Variants in ASMT observed in about 807,000 individuals in gnomAD.
The protein encoded by ASMT is acetylserotonin O-methyltransferase, also known as acetylserotonin N-methyltransferase.
In ASMT, 53 loss-of-function variants were observed where a neutral mutation model predicts 41.3. The ratio of observed to expected loss-of-function variants is 1.28; its 90% CI spans 1.03 to 1.61. The LOEUF is 1.61. ASMT is among the 40% of genes most tolerant of loss of function. The probability of loss-of-function intolerance (pLI) is 0.00; values close to 1 mark genes in which losing one functional copy is unlikely to be tolerated. For synonymous variants in ASMT, 231 were observed against 184.8 expected, an observed-to-expected ratio of 1.25 and a Z score of -2.03; for missense variants, 531 against 441.3, an observed-to-expected ratio of 1.20 and a Z score of -1.82.
At chrX:1,630,557 G>A (rs758444937) in intron 5 of ASMT, among the ~76,000 whole-genome samples, 6 of 151,666 alleles carry the variant, frequency 4.0e-5, no homozygotes, top group South Asian at 2.1e-4. Flanking sequence ...CACCCGCCTC[G>A]GTCTTGTTTT....
chrX:1,632,390 G>C (rs1427954849), intron 5 of ASMT, among the ~76,000 whole-genome samples: 1 of 152,094 alleles, frequency 6.6e-6, no homozygotes, highest in South Asian at 2.1e-4. Flanking sequence ...GGTGGCTCAC[G>C]CCTGTCATCC....
intron 3 of ASMT, among the ~76,000 whole-genome samples, chrX:1,626,922 G>A (rs1198043857): frequency 7.2e-5 from 11 of 151,750 alleles, no homozygotes; most frequent in Non-Finnish European, 7.4e-5. Flanking sequence ...CCAGCTACTC[G>A]GGAGGTTGAG....
chrX:1,625,908 T>TTAG (rs1569374746), intron 3 of ASMT, among the ~76,000 whole-genome samples: 1 of 135,052 alleles, frequency 7.4e-6, no homozygotes, highest in African/African-American at 2.9e-5. Flanking sequence ...TGAGCCAAGA[T>TTAG]CGCACCACTG....
At chrX:1,641,601 C>G (rs1935170580) in intron 8 of ASMT, among the ~76,000 whole-genome samples, 1 of 147,918 alleles carries the variant, frequency 6.8e-6, no homozygotes, top group African/African-American at 2.5e-5. Flanking sequence ...GGCACAGCCT[C>G]TGTGTGTGTG....
At chrX:1,621,398 A>G (rs1192250868) in intron 1 of ASMT, among the ~76,000 whole-genome samples, 1 of 151,606 alleles carries the variant, frequency 6.6e-6, no homozygotes, top group Non-Finnish European at 1.5e-5. Context: ...GCTCACTGCA[A>G]TCTCCACCTC....
chrX:1,630,052 T>C (rs1934713802), intron 5 of ASMT, 113 bp downstream of exon 5: 1 of 987,996 alleles, frequency 1.0e-6, no homozygotes, highest in African/African-American at 1.6e-5. Context: ...TGTGCGGCCT[T>C]ACTGGTCTTA....
At chrX:1,625,399 G>T (rs1230253870) in intron 3 of ASMT, among the ~76,000 whole-genome samples, 1 of 151,462 alleles carries the variant, frequency 6.6e-6, no homozygotes, top group Non-Finnish European at 1.5e-5. Context: ...AGGAGGCTAA[G>T]GTGGGAGAAC....
intron 3 of ASMT, among the ~76,000 whole-genome samples, chrX:1,626,155 C>T (rs1254814215): frequency 4.0e-5 from 6 of 151,628 alleles, no homozygotes; most frequent in Non-Finnish European, 7.4e-5. Flanking sequence ...CGTAGATTTT[C>T]TCCACAACAG....
At chrX:1,642,117 G>T (rs1474612600) in intron 8 of ASMT, among the ~76,000 whole-genome samples, 23 of 141,824 alleles carry the variant, frequency 1.6e-4, no homozygotes, top group Non-Finnish European at 3.2e-4. Flanking sequence ...GATGGGGACG[G>T]TGTCCCAGTT....
intron 1 of ASMT, among the ~76,000 whole-genome samples, chrX:1,616,116 C>T (rs1233694439): frequency 3.3e-5 from 5 of 151,226 alleles, no homozygotes; most frequent in South Asian, 2.1e-4. Context: ...GCAACCTCCG[C>T]CTCCAGGGTT....
At chrX:1,627,242 C>T (rs1209027392) in intron 3 of ASMT, among the ~76,000 whole-genome samples, 1 of 151,250 alleles carries the variant, frequency 6.6e-6, no homozygotes, top group Non-Finnish European at 1.5e-5. Context: ...AGGAAAATCG[C>T]TTGAACCCGG....
At chrX:1,631,084 G>GGT (rs756514118) in intron 5 of ASMT, among the ~76,000 whole-genome samples, 4 of 144,374 alleles carry the variant, frequency 2.8e-5, no homozygotes, top group African/African-American at 1.0e-4. Flanking sequence ...CTAATTTTTT[G>GGT]TTTTTTTTTT....
At chrX:1,617,362 C>T (rs1341341567) in intron 1 of ASMT, among the ~76,000 whole-genome samples, 3 of 151,144 alleles carry the variant, frequency 2.0e-5, no homozygotes, top group Admixed American at 6.6e-5. Context: ...CCCATTTACT[C>T]GGGAGGCTGA....
intron 5 of ASMT, among the ~76,000 whole-genome samples, chrX:1,631,593 T>C (rs1466666020): frequency 1.3e-5 from 2 of 152,188 alleles, no homozygotes; most frequent in East Asian, 3.9e-4. Flanking sequence ...AGGATCCCCC[T>C]GCCTGGGGAG....
At position 1,642,843 on chromosome X, in the gene ASMT, C is replaced by A. The variant is rs747080384; in HGVS notation, c.951C>A (p.Asp317Glu). 2 of 1,613,990 alleles carry A rather than the reference C, an allele frequency of 1.2e-6. No homozygotes were observed. Among genetic ancestry groups the A allele is most frequent in the East Asian group, 4.5e-5 (2 of 44,884 alleles). ...TAATTGAAAGCCTCCTGGATGAAGACAGGCGAGGTCCTCTGCTCACGCAGC... is the reference window on the plus strand; with the variant it reads ...TAATTGAAAGCCTCCTGGATGAAGAAAGGCGAGGTCCTCTGCTCACGCAGC... ...ILVIESLLDE[D>E]RRGPLLTQLY... is the part of the protein sequence containing the mutation. Residue 317 changes from aspartate to glutamate, a missense_variant, in exon 9 of 9, where the codon GAC becomes GAA. Physicochemically the swap from Asp to Glu is conservative, Grantham distance 45 (BLOSUM62 2). Transcript: ENST00000381241.
At chrX:1,625,667 C>G (rs1934512098) in intron 3 of ASMT, among the ~76,000 whole-genome samples, 1 of 151,640 alleles carries the variant, frequency 6.6e-6, no homozygotes, top group Admixed American at 6.6e-5. Flanking sequence ...AAAGGAGTGT[C>G]TGGGTGGCCG....
At chrX:1,617,098 A>C in intron 1 of ASMT, among the ~76,000 whole-genome samples, 1 of 151,870 alleles carries the variant, frequency 6.6e-6, no homozygotes, top group Middle Eastern at 3.4e-3. Context: ...GCTTAAGCCT[A>C]GGAGATGAAG....
chrX:1,633,692 T>C (rs1244472872), intron 7 of ASMT, among the ~76,000 whole-genome samples: 19 of 145,310 alleles, frequency 1.3e-4, no homozygotes, highest in Non-Finnish European at 2.8e-4. Context: ...CGGGCTGGAG[T>C]GTGGTGACAG....
At chrX:1,625,348 C>T (rs1934493964) in intron 3 of ASMT, among the ~76,000 whole-genome samples, 1 of 151,512 alleles carries the variant, frequency 6.6e-6, no homozygotes, top group African/African-American at 2.4e-5. Context: ...TCGTGATCTG[C>T]CTGCCTACAT....
Sources: gnomAD v4.1 joint callset for allele counts (sites outside exome capture counted in the v4.1 genomes callset) on GRCh38, gnomAD v4.1.1 for gene constraint, MANE v1.5 for transcripts, NCBI Gene and HGNC (gene_info 2026-07-23, HGNC 2026-07-21) for gene names.